The following LRRC49 variants were observed in gnomAD, a reference collection of about 807,000 sequenced individuals.
The protein encoded by LRRC49 is leucine-rich repeat-containing protein 49.
Under a neutral mutation model 83.3 loss-of-function variants are expected in LRRC49, and 50 were observed. The ratio of observed to expected loss-of-function variants is 0.60; its 90% CI spans 0.48 to 0.76. The LOEUF (loss-of-function observed/expected upper bound fraction) is 0.76. Ranked by LOEUF, LRRC49 falls within the 30% of genes least tolerant of loss-of-function variation. The pLI is 0.00. For synonymous variants in LRRC49, 286 were observed against 283.3 expected (o/e 1.01, Z -0.10); for missense variants, 704 against 809.1 (o/e 0.87, Z 1.58).
At chr15:70,869,659 A>G (rs2032987496) in intron 1 of LRRC49, among the ~76,000 whole-genome samples, 1 of 152,222 alleles carries the variant, frequency 6.6e-6, no homozygotes, top group African/African-American at 2.4e-5. Flanking sequence ...TGACCAGCAC[A>G]CACATGCAGC....
chr15:70,869,947 G>A (rs568317634), intron 1 of LRRC49, among the ~76,000 whole-genome samples: 1 of 151,804 alleles, frequency 6.6e-6, no homozygotes, highest in South Asian at 2.1e-4. Context: ...TTAAAATCTT[G>A]AGCTGCAGCT....
intron 15 of LRRC49, 93 bp downstream of exon 15, chr15:71,037,425 T>C (rs1442768426): frequency 9.3e-7 from 1 of 1,079,876 alleles, no homozygotes; most frequent in African/African-American, 1.6e-5. Context: ...TTAGTTAAGA[T>C]AACTTTTTTG....
intron 1 of LRRC49, among the ~76,000 whole-genome samples, chr15:70,856,800 C>G (rs1238231629): frequency 6.6e-6 from 1 of 152,144 alleles, no homozygotes; most frequent in Non-Finnish European, 1.5e-5. Flanking sequence ...TAGCAGGGAG[C>G]CTTCATCTAG....
intron 1 of LRRC49, among the ~76,000 whole-genome samples, chr15:70,861,020 C>T (rs1035003558): frequency 2.6e-5 from 4 of 152,152 alleles, no homozygotes; most frequent in Admixed American, 6.5e-5. Flanking sequence ...GAGAGTTGAA[C>T]CAGCAAACAC....
At chr15:71,036,304 T>C (rs997864180) in intron 14 of LRRC49, among the ~76,000 whole-genome samples, 5 of 152,132 alleles carry the variant, frequency 3.3e-5, no homozygotes, top group African/African-American at 7.2e-5. Flanking sequence ...TTTTCAAATA[T>C]GAACATTATT....
intron 8 of LRRC49, among the ~76,000 whole-genome samples, chr15:70,960,313 A>G (rs988619303): frequency 6.6e-6 from 1 of 152,172 alleles, no homozygotes; most frequent in African/African-American, 2.4e-5. Context: ...AGCCCTGACA[A>G]AGCCTAAGTT....
chr15:70,972,604 G>A (rs373744619), intron 9 of LRRC49, among the ~76,000 whole-genome samples: 10 of 151,766 alleles, frequency 6.6e-5, no homozygotes, highest in African/African-American at 2.4e-4. Context: ...CATTCTCCCC[G>A]TCACTTTCAG....
intron 8 of LRRC49, among the ~76,000 whole-genome samples, chr15:70,955,073 C>A (rs2036352762): frequency 6.6e-6 from 1 of 151,774 alleles, no homozygotes; most frequent in South Asian, 2.1e-4. Flanking sequence ...AGGGGGAAAC[C>A]ATGGGTGGGT....
At chr15:70,905,850 A>C (rs1324933950) in intron 5 of LRRC49, among the ~76,000 whole-genome samples, 1 of 152,168 alleles carries the variant, frequency 6.6e-6, no homozygotes, top group East Asian at 1.9e-4. Context: ...TAAGACCCTC[A>C]TTCCAGAGGA....
chr15:70,948,312 T>G (rs1175277600), intron 8 of LRRC49, among the ~76,000 whole-genome samples: 1 of 152,154 alleles, frequency 6.6e-6, no homozygotes, highest in Non-Finnish European at 1.5e-5. Context: ...TAAGTCTAAC[T>G]TTACTTCATT....
At chr15:70,987,586 G>A (rs1408533388) in intron 11 of LRRC49, among the ~76,000 whole-genome samples, 1 of 152,008 alleles carries the variant, frequency 6.6e-6, no homozygotes, top group Non-Finnish European at 1.5e-5. Context: ...CAAAAAACCA[G>A]CTCCTGGATT....
chr15:71,012,880 A>C lies in LRRC49; in HGVS notation c.1670A>C (p.Gln557Pro). Reference protein sequence around the residue: ...LAHVASSELPQYRLISILGDA... With the variant: ...LAHVASSELPPYRLISILGDA... ...CATGTAGCATCTTCTGAGTTACCCC[A>C]GTATCGTCTGATTTCCATTCTGGGT... is the stretch of plus-strand genomic sequence containing the variant. The change falls in exon 14 of 16, where the codon CAG (glutamine) becomes CCG (proline). Residue 557 changes from glutamine (Q) to proline (P), a missense_variant. Gln to Pro is a moderately conservative substitution (Grantham distance 76, BLOSUM62 -1). Around this residue, in one of 3 missense-constraint regions of LRRC49, gnomAD observed 275 missense variants for 338.0 expected, o/e 0.81. Coordinates refer to ENST00000260382, the MANE Select transcript of LRRC49 (RefSeq NM_017691.5). The C allele has an allele frequency of 6.2e-7, 1 of 1,612,800 alleles. No individual in the cohort carries two copies. The highest frequency in any genetic ancestry group is 8.5e-7 in the Non-Finnish European group (1 of 1,179,232).
At chr15:70,871,928 A>AT (rs1319032183) in intron 1 of LRRC49, among the ~76,000 whole-genome samples, 3 of 148,636 alleles carry the variant, frequency 2.0e-5, no homozygotes, top group Non-Finnish European at 4.4e-5. Flanking sequence ...GGCCGGGCAG[A>AT]GGGGCTCCTC....
At chr15:70,958,024 T>G (rs1057084502) in intron 8 of LRRC49, among the ~76,000 whole-genome samples, 1 of 152,188 alleles carries the variant, frequency 6.6e-6, no homozygotes, top group Non-Finnish European at 1.5e-5. Flanking sequence ...TAACCATAAC[T>G]CTAGTTGTTC....
rs190305781 is a variant in LRRC49, at chr15:70,990,614, C to T, written c.1169+6357C>T. On this transcript the variant is annotated intron_variant, in intron 11 of 15. Transcript: ENST00000260382. ...AGTGAGGCAATGCCTCACCCTGCTTCGGCTCATGCATGGTGCGCTGCACCC... is the reference window on the plus strand; with the variant it reads ...AGTGAGGCAATGCCTCACCCTGCTTTGGCTCATGCATGGTGCGCTGCACCC... Among the ~76,000 whole-genome samples, 12 of 152,322 alleles carry T rather than the reference C, an allele frequency of 7.9e-5. No homozygotes were observed. The South Asian group carries it at 1.2e-3, about 16-fold the overall frequency.
At chr15:70,917,018 A>G (rs891327249) in intron 6 of LRRC49, among the ~76,000 whole-genome samples, 2 of 152,106 alleles carry the variant, frequency 1.3e-5, no homozygotes, top group Non-Finnish European at 2.9e-5. Flanking sequence ...CTCAGAGCAA[A>G]GTTGTGGTTG....
At chr15:70,929,048 A>T (rs534898424) in intron 7 of LRRC49, among the ~76,000 whole-genome samples, 5 of 151,866 alleles carry the variant, frequency 3.3e-5, no homozygotes, top group Non-Finnish European at 5.9e-5. Context: ...CATTCTTATC[A>T]CTTATCTGGT....
intron 3 of LRRC49, among the ~76,000 whole-genome samples, chr15:70,899,119 A>G (rs1231625882): frequency 6.6e-6 from 1 of 152,202 alleles, no homozygotes; most frequent in Non-Finnish European, 1.5e-5. Flanking sequence ...AAGTTTAAGG[A>G]TAAAATTCCT....
upstream of LRRC49, chr15:70,892,092 C>T (rs781225574): frequency 6.2e-7 from 1 of 1,613,948 alleles, no homozygotes; most frequent in Non-Finnish European, 8.5e-7. Flanking sequence ...TCAAAACAGG[C>T]TGGGGCAAAG....
Sources: allele counts gnomAD v4.1 joint callset (sites outside exome capture counted in the v4.1 genomes callset), GRCh38; gene constraint gnomAD v4.1.1; regional missense constraint gnomAD v4.1.1; transcripts MANE v1.5; gene names NCBI Gene and HGNC (gene_info 2026-07-23, HGNC 2026-07-21).